MTMR10: variants seen among roughly 807,000 people sequenced by gnomAD.
MTMR10 encodes the protein myotubularin-related protein 10.
A neutral mutation model predicts 88.1 loss-of-function variants in MTMR10; 56 were observed. The ratio of observed to expected loss-of-function variants is 0.64; its 90% CI spans 0.51 to 0.79. MTMR10 has a LOEUF of 0.79. Ranked by LOEUF, MTMR10 falls within the 30% of genes least tolerant of loss-of-function variation. The pLI, the probability that MTMR10 is intolerant of heterozygous loss-of-function variation, is 0.00. For missense variants in MTMR10, 883 were observed against 924.7 expected (o/e 0.95, Z 0.58); for synonymous variants, 380 against 340.9 (o/e 1.11, Z -1.26).
chr15:30,936,712 T>C (rs1361266320), downstream of MTMR10, among the ~76,000 whole-genome samples: 1 of 152,232 alleles, frequency 6.6e-6, no homozygotes, highest in Non-Finnish European at 1.5e-5. Context: ...ATAGCTTAGC[T>C]TAGCCTACCT....
At chr15:30,960,077 G>A (rs2063380979) in intron 7 of MTMR10, among the ~76,000 whole-genome samples, 1 of 152,166 alleles carries the variant, frequency 6.6e-6, no homozygotes, top group African/African-American at 2.4e-5. Context: ...AGAAAAGTTC[G>A]ATAAAAGCAG....
Position 30,941,455 on chromosome 15 carries a change from A to G in MTMR10, c.*15T>C. ...GTTGACAGCTTCCCTCAAAATGTTCAGAAAACACCCTATTTTAGTCTTCAT... is the reference window on the plus strand; with the variant it reads ...GTTGACAGCTTCCCTCAAAATGTTCGGAAAACACCCTATTTTAGTCTTCAT... On this transcript the variant is annotated 3_prime_UTR_variant, in exon 16 of 16. Transcript: ENST00000435680. 2 of 1,585,872 alleles carry G rather than the reference A, an allele frequency of 1.3e-6. No individual in the cohort carries two copies. The highest frequency in any genetic ancestry group is 1.7e-6 in the Non-Finnish European group (2 of 1,167,020).
intron 14 of MTMR10, chr15:30,946,144 T>A (rs2063167980): frequency 1.3e-5 from 2 of 152,312 alleles, no homozygotes; most frequent in African/African-American, 2.4e-5. Flanking sequence ...CTTGTCCTTT[T>A]CTTTGGGATG....
At chr15:30,990,901 C>A (rs905239916) in intron 1 of MTMR10, 64 bp from the exon 2 acceptor site, 119 of 1,384,136 alleles carry the variant, frequency 8.6e-5, no homozygotes, top group Non-Finnish European at 1.1e-4. Context: ...AATGCTACAG[C>A]AAATGTTGTT....
rs2063393041 is a variant in MTMR10 at position 30,960,900 on chromosome 15, C to T, written c.739G>A (p.Gly247Ser). The change falls in exon 7 of 16, where the codon GGT becomes AGT. Residue 247 changes from glycine to serine, a missense_variant. Around this residue, in one of 3 missense-constraint regions of MTMR10, gnomAD observed 414 missense variants for 423.2 expected, o/e 0.98. Coordinates refer to ENST00000435680, the MANE Select transcript of MTMR10 (RefSeq NM_017762.3). ...ACTTACCAAGTGGATATCATGTAAC[C>T]CTCGTTAATAGAACAAACTCTCCAC... ...SGWRVCSINE[G>S]YMISTCLPEY... 2 of 1,607,406 alleles carry T rather than the reference C, an allele frequency of 1.2e-6. No homozygotes were observed. Among genetic ancestry groups the T allele is most frequent in the Admixed American group, 1.7e-5 (1 of 59,664 alleles).
intron 14 of MTMR10, chr15:30,946,812 G>GT (rs2063178025): frequency 4.3e-6 from 3 of 694,830 alleles, no homozygotes; most frequent in East Asian, 2.7e-5. Context: ...CAGGGCTTTT[G>GT]TTTTTTACTA....
the MTMR10 span, chr15:30,928,167 G>A: frequency 9.9e-7 from 1 of 1,013,424 alleles, no homozygotes; most frequent in Non-Finnish European, 1.2e-6. Flanking sequence ...ATCAGGGCCT[G>A]CATGGGGATT....
chr15:30,987,657 T>TA (rs2031025780), intron 2 of MTMR10, among the ~76,000 whole-genome samples: 1 of 151,868 alleles, frequency 6.6e-6, no homozygotes. Context: ...AAGCATGCAA[T>TA]ACCATATCTC....
Position 30,941,705 on chromosome 15 carries a change from C to T in MTMR10, c.2099G>A (p.Arg700His), listed in dbSNP as rs373282106. Residue 700 changes from arginine to histidine, a missense_variant, in exon 16 of 16, where the codon CGC becomes CAC. Physicochemically the swap from Arg to His is conservative, Grantham distance 29. This residue lies in a region of MTMR10 where 343 missense variants were observed against 323.2 expected (regional missense o/e 1.06). Transcript: ENST00000435680. The part of the protein sequence containing the change: ...DVLSRMLRQQ[R>H]SGPLEACYGE... ...ATAGCAGGCCTCCAGGGGGCCACTGCGCTGTTGCCGCAGCATCCTGCTCAG... is the reference window on the plus strand; with the variant it reads ...ATAGCAGGCCTCCAGGGGGCCACTGTGCTGTTGCCGCAGCATCCTGCTCAG... The T allele has an allele frequency of 2.0e-4, 318 of 1,613,818 alleles. 5 individuals are homozygous for T. The South Asian group carries it at 2.5e-3, about 13-fold the overall frequency.
At chr15:30,927,758 C>T in the MTMR10 span, 2 of 985,636 alleles carry the variant, frequency 2.0e-6, no homozygotes, top group Admixed American at 6.1e-5. Context: ...GGCTGATGTG[C>T]AGAGAAGTAC....
intron 6 of MTMR10, chr15:30,966,039 T>G: frequency 2.2e-6 from 1 of 455,668 alleles, no homozygotes; most frequent in South Asian, 1.6e-5. Context: ...GTATTTATGC[T>G]TCTGTAACAG....
At position 30,954,844 on chromosome 15, in the gene MTMR10, T is replaced by C. The variant is rs781684805; in HGVS notation, c.985A>G (p.Lys329Glu). 2 of 1,581,228 alleles carry C rather than the reference T, an allele frequency of 1.3e-6. No homozygotes were observed. The highest frequency in any genetic ancestry group is 1.3e-5 in the African/African-American group (1 of 74,356). Residue 329 changes from lysine to glutamate, a missense_variant, in exon 10 of 16, where the codon AAA becomes GAA. This residue lies in a region of MTMR10 where 414 missense variants were observed against 423.2 expected (regional missense o/e 0.98). Transcript: ENST00000435680. ...KSHPQRSDVY[K>E]SDLDKTLPNI... ...GGCAAGGTCTTATCCAAATCTGATT[T>C]GTAAACATCACTTCTCTGTGGGTGA...
intron 5 of MTMR10, among the ~76,000 whole-genome samples, chr15:30,973,582 T>C (rs983302580): frequency 6.6e-6 from 1 of 152,108 alleles, no homozygotes; most frequent in Non-Finnish European, 1.5e-5. Context: ...CGTCCTATTA[T>C]ACTAAGATAC....
At chr15:30,929,414 A>G in the MTMR10 span, 44 of 1,577,074 alleles carry the variant, frequency 2.8e-5, no homozygotes, top group Middle Eastern at 1.7e-4. Context: ...GTTCACCTGC[A>G]TGGCAGGATT....
In MTMR10 at chr15:30,939,133, T is replaced by C; in HGVS notation, c.*2337A>G. 1.0e-6 allele frequency: 1 copy of C among 985,418 alleles called. No homozygotes were observed. The highest frequency in any genetic ancestry group is 1.2e-6 in the Non-Finnish European group (1 of 829,882). 61.0% of individuals were successfully genotyped at this position (985,418 alleles called of 1,614,324 possible). On this transcript the variant is annotated 3_prime_UTR_variant, in exon 16 of 16. Coordinates refer to ENST00000435680, the MANE Select transcript of MTMR10 (RefSeq NM_017762.3). The stretch of plus-strand genomic sequence containing the variant: ...TTACTACTGCAGCAAGCAGATTTTG[T>C]TGACAAATGTGAACAGCTTTCACCC...
the MTMR10 span, chr15:30,920,687 T>C: frequency 8.0e-7 from 1 of 1,252,478 alleles, no homozygotes; most frequent in Non-Finnish European, 1.2e-6. Context: ...CCACCATTAC[T>C]GATGTGATGG....
chr15:30,985,043 T>C (rs568765386), intron 2 of MTMR10, among the ~76,000 whole-genome samples: 1 of 152,286 alleles, frequency 6.6e-6, no homozygotes, highest in South Asian at 2.1e-4. Context: ...AAGCACACAC[T>C]CAATACCTGC....
At chr15:30,927,049 C>T in the MTMR10 span, 1 of 982,136 alleles carries the variant, frequency 1.0e-6, no homozygotes, top group Non-Finnish European at 1.2e-6. Flanking sequence ...CGGTAGCTTA[C>T]ACTTGTAATC....
rs1255890909 is a variant in MTMR10 at position 30,940,929 on chromosome 15, G to C, written c.*541C>G. On this transcript the variant is annotated 3_prime_UTR_variant, in exon 16 of 16. Coordinates refer to ENST00000435680, the MANE Select transcript of MTMR10 (RefSeq NM_017762.3). ...AGCAAACTCATGATTTCAAAACACA[G>C]TGATCTAAGGTTCCAAAGAAGGTGA... 9.5e-7 allele frequency: 1 copy of C among 1,053,610 alleles called. No individual in the cohort carries two copies. Among genetic ancestry groups the C allele is most frequent in the African/African-American group, 1.7e-5 (1 of 58,408 alleles). 65.3% of individuals were successfully genotyped at this position (1,053,610 alleles called of 1,614,324 possible).
Sources: allele counts gnomAD v4.1 joint callset (sites outside exome capture counted in the v4.1 genomes callset), GRCh38; gene constraint gnomAD v4.1.1; regional missense constraint gnomAD v4.1.1; transcripts MANE v1.5; gene names NCBI Gene and HGNC (gene_info 2026-07-23, HGNC 2026-07-21).